Variants in CHST6 observed in about 807,000 individuals in gnomAD.
CHST6 encodes N-acetylglucosamine 6-O-sulfotransferase 5.
For missense variants in CHST6, 698 were observed against 586.2 expected, an observed-to-expected ratio of 1.19 and a Z score of -1.97; for synonymous variants, 309 against 276.4, an observed-to-expected ratio of 1.12 and a Z score of -1.17.
chr16:75,492,805 C>A (rs536497123), intron 1 of CHST6, among the ~76,000 whole-genome samples: 7 of 152,134 alleles, frequency 4.6e-5, no homozygotes, highest in African/African-American at 1.7e-4. Flanking sequence ...GCTGAGATCA[C>A]GCCACTGCAC....
chr16:75,481,385 G>A (rs889123273), intron 2 of CHST6, among the ~76,000 whole-genome samples: 2 of 152,110 alleles, frequency 1.3e-5, no homozygotes, highest in African/African-American at 4.8e-5. Flanking sequence ...CTGAAGTCAG[G>A]AGTTCGACAC....
intron 1 of CHST6, among the ~76,000 whole-genome samples, chr16:75,483,216 T>G (rs1567411947): frequency 6.6e-6 from 1 of 152,190 alleles, no homozygotes; most frequent in East Asian, 1.9e-4. Context: ...TCCCAGGCTG[T>G]GGGCTTCTCC....
At position 75,474,659 on chromosome 16, in the gene CHST6, G is replaced by A. The variant is rs769917509; in HGVS notation, c.*3982C>T. The A allele has an allele frequency of 4.0e-5, 16 of 398,802 alleles. No homozygotes were observed. Among genetic ancestry groups the A allele is most frequent in the Non-Finnish European group, 5.7e-5 (13 of 226,330 alleles). 24.7% of individuals were successfully genotyped at this position (398,802 alleles called of 1,614,324 possible). A position where few individuals can be genotyped will look rare whatever the true frequency, so the allele number is the denominator to read the frequency against. On this transcript the variant is annotated 3_prime_UTR_variant, in exon 3 of 3. Transcript: ENST00000332272. ...CAAGATCAAGGAGCCAGCATCTAGC[G>A]AGAGCCTTCTTGCTGTGTCCTAGCA...
chr16:75,479,739 C>A lies in CHST6; in HGVS notation c.90G>T (p.Gly30=), dbSNP rs1236229642. ...FLLLFLVSRP[G]PSSPAGGEAR... ...CCTCGCCGCCTGCTGGGGACGAGGG[C>A]CCTGGCCGGGAAACCAGAAAGAGGA... is the stretch of plus-strand genomic sequence containing the variant. The change falls in exon 3 of 3, where the codon GGG becomes GGT. Residue 30 remains glycine, a synonymous_variant. Transcript: ENST00000332272. 5.0e-6 allele frequency: 8 copies of A among 1,604,544 alleles called. No individual in the cohort carries two copies. The highest frequency in any genetic ancestry group is 6.8e-6 in the Non-Finnish European group (8 of 1,175,776).
chr16:75,484,775 T>C (rs2080177823), intron 1 of CHST6, among the ~76,000 whole-genome samples: 2 of 152,052 alleles, frequency 1.3e-5, no homozygotes, highest in African/African-American at 4.8e-5. Flanking sequence ...ACCCGGGAGA[T>C]GGAGGTTGCA....
chr16:75,487,624 C>G (rs2080213222), intron 1 of CHST6, among the ~76,000 whole-genome samples: 1 of 151,722 alleles, frequency 6.6e-6, no homozygotes. Context: ...ACAGTGAAAC[C>G]CTGTCTCTAC....
chr16:75,492,679 G>C (rs1348855014), intron 1 of CHST6, among the ~76,000 whole-genome samples: 1 of 152,078 alleles, frequency 6.6e-6, no homozygotes, highest in East Asian at 1.9e-4. Flanking sequence ...GTGAAACCCT[G>C]TCTTTACTAA....
chr16:75,484,245 G>A (rs1214240347), intron 1 of CHST6, among the ~76,000 whole-genome samples: 2 of 152,188 alleles, frequency 1.3e-5, no homozygotes, highest in African/African-American at 4.8e-5. Context: ...GCTGAGGCAG[G>A]AGAATTGCTT....
Position 75,478,937 on chromosome 16 carries a change from G to A in CHST6, c.892C>T (p.Gln298Ter), listed in dbSNP as rs886052321. Residue 298 changes from glutamine (Q) to a stop codon, truncating the protein, a stop_gained, in exon 3 of 3, where the codon CAG becomes TAG. Coordinates refer to ENST00000332272, the MANE Select transcript of CHST6 (RefSeq NM_021615.5). LOFTEE classifies it low-confidence loss of function (END_TRUNC). ...YAFTGLSLTP[Q>*]LEAWIHNITH... ...ATGTTATGGATCCAGGCCTCGAGCT[G>A]TGGCGTGAGACTGAGCCCAGTGAAG... The A allele has an allele frequency of 3.7e-6, 6 of 1,613,138 alleles. No homozygotes were observed. In the East Asian group the frequency reaches 1.3e-4, roughly 36 times the overall value.
intron 1 of CHST6, among the ~76,000 whole-genome samples, chr16:75,483,997 C>A (rs1325315693): frequency 1.3e-5 from 2 of 151,966 alleles, no homozygotes; most frequent in East Asian, 3.9e-4. Flanking sequence ...GCACTCCAGC[C>A]TGGAAAACGG....
intron 1 of CHST6, among the ~76,000 whole-genome samples, chr16:75,484,461 T>C (rs1036076789): frequency 1.3e-5 from 2 of 152,262 alleles, no homozygotes; most frequent in African/African-American, 4.8e-5. Flanking sequence ...TTTCCCATCC[T>C]GGAAGGCCTA....
chr16:75,473,802 A>G lies in CHST6; in HGVS notation c.*4839T>C, dbSNP rs1181676858. Reference sequence around the variant, plus strand: ...ATTGTATTTTTTAAAAATGCTGTGTAAGACAGTGTTCCAAGCCATCACTTT... The same window carrying G: ...ATTGTATTTTTTAAAAATGCTGTGTGAGACAGTGTTCCAAGCCATCACTTT... On this transcript the variant is annotated 3_prime_UTR_variant, in exon 3 of 3. Transcript: ENST00000332272. 1 of 152,214 alleles carries G rather than the reference A, an allele frequency of 6.6e-6. No homozygotes were observed. Among genetic ancestry groups the G allele is most frequent in the Non-Finnish European group, 1.5e-5 (1 of 68,042 alleles). The allele number at this position is 152,214 out of a possible 1,614,324, so 9.4% of individuals were successfully genotyped here. A position where few individuals can be genotyped will look rare whatever the true frequency, so the allele number is the denominator to read the frequency against.
In CHST6 at chr16:75,472,253, G is replaced by A. The variant is rs1197544777; in HGVS notation, c.*6388C>T. ...AATCAAACTTTACACTTTATGTGCA[G>A]ATGTTGTATATCAATTATAGCTCAA... On this transcript the variant is annotated 3_prime_UTR_variant, in exon 3 of 3. Coordinates refer to ENST00000332272, the MANE Select transcript of CHST6 (RefSeq NM_021615.5). 1 of 152,194 alleles carries A rather than the reference G, an allele frequency of 6.6e-6. No homozygotes were observed. Among genetic ancestry groups the A allele is most frequent in the Non-Finnish European group, 1.5e-5 (1 of 68,028 alleles). The allele number at this position is 152,194 out of a possible 1,614,324, so 9.4% of individuals were successfully genotyped here.
chr16:75,485,946 A>G (rs911924621), intron 1 of CHST6, among the ~76,000 whole-genome samples: 7 of 152,216 alleles, frequency 4.6e-5, no homozygotes, highest in Admixed American at 6.5e-5. Context: ...CATCTTGTAC[A>G]GTTGCCCCCA....
At chr16:75,486,313 T>A (rs1285750861) in intron 1 of CHST6, among the ~76,000 whole-genome samples, 2 of 152,264 alleles carry the variant, frequency 1.3e-5, no homozygotes, top group Non-Finnish European at 2.9e-5. Context: ...GGATCAGCAC[T>A]GCACAGGTGC....
intron 1 of CHST6, among the ~76,000 whole-genome samples, chr16:75,488,811 C>T (rs190313501): frequency 2.8e-4 from 42 of 150,330 alleles, no homozygotes; most frequent in African/African-American, 9.1e-4. Context: ...CGCTTGAACC[C>T]GGGAGGTGGA....
intron 1 of CHST6, among the ~76,000 whole-genome samples, chr16:75,484,800 C>A (rs368225464): frequency 6.6e-6 from 1 of 151,956 alleles, no homozygotes; most frequent in Admixed American, 6.6e-5. Context: ...GCTGAGATTG[C>A]GCCACTGTAC....
chr16:75,472,553 C>T lies in CHST6; in HGVS notation c.*6088G>A, dbSNP rs1328366481. ...GACTGAAACATCAAGTAACATTTTT[C>T]ACCCATCAGGTAGGCAAAAATTAAA... is the stretch of plus-strand genomic sequence containing the variant. On this transcript the variant is annotated 3_prime_UTR_variant, in exon 3 of 3. Transcript: ENST00000332272. 3 of 152,214 alleles carry T rather than the reference C, an allele frequency of 2.0e-5. No individual in the cohort carries two copies. Among genetic ancestry groups the T allele is most frequent in the African/African-American group, 7.2e-5 (3 of 41,436 alleles). The allele number at this position is 152,214 out of a possible 1,614,324, so 9.4% of individuals were successfully genotyped here. A position where few individuals can be genotyped will look rare whatever the true frequency, so the allele number is the denominator to read the frequency against.
At chr16:75,481,747 A>G in intron 2 of CHST6, 70 bp downstream of exon 2, 1 of 459,058 alleles carries the variant, frequency 2.2e-6, no homozygotes, top group Non-Finnish European at 4.4e-6. Flanking sequence ...GCTGAGGCGG[A>G]GCTGGGATGG....
Sources: gnomAD v4.1 joint callset for allele counts (sites outside exome capture counted in the v4.1 genomes callset) on GRCh38, gnomAD v4.1.1 for gene constraint, MANE v1.5 for transcripts, NCBI Gene and HGNC (gene_info 2026-07-23, HGNC 2026-07-21) for gene names.